Variants in ADAMTS2 observed in about 807,000 individuals in gnomAD.
ADAMTS2 encodes ADAM metallopeptidase with thrombospondin type 1 motif 2.
ADAMTS2 carries 50 observed loss-of-function variants against 123.0 expected under a neutral mutation model. The observed-to-expected ratio is 0.41, with a 90% CI of 0.32 to 0.51. The LOEUF is 0.51. Ranked by LOEUF, ADAMTS2 falls within the 20% of genes least tolerant of loss-of-function variation. The pLI is 0.35. For synonymous variants in ADAMTS2, 678 were observed against 695.4 expected, an observed-to-expected ratio of 0.98 and a Z score of 0.39; for missense variants, 1,494 against 1,705.2, an observed-to-expected ratio of 0.88 and a Z score of 2.18.
intron 3 of ADAMTS2, among the ~76,000 whole-genome samples, chr5:179,249,869 G>A (rs1025688516): frequency 1.1e-4 from 16 of 152,072 alleles, no homozygotes; most frequent in African/African-American, 2.9e-4. Flanking sequence ...CCCTGATACC[G>A]AAACCAGACA....
In ADAMTS2 at chr5:179,307,511, C is replaced by T. The variant is rs1305472703; in HGVS notation, c.535-34447G>A. Among the ~76,000 whole-genome samples, 6 of 152,082 alleles carry T rather than the reference C, an allele frequency of 3.9e-5. No individual in the cohort carries two copies. The highest frequency in any genetic ancestry group is 2.1e-4 in the South Asian group (1 of 4,810). On this transcript the variant is annotated intron_variant, in intron 2 of 21. Coordinates refer to ENST00000251582, the MANE Select transcript of ADAMTS2 (RefSeq NM_014244.5). The surrounding 1 kb of genome is among the most constrained non-coding windows in gnomAD (Gnocchi z 5.6). ...CATCACGTATGCCAGGCTGGGAGCC[C>T]GGGCGTCCCAAGCCTGTGACCTCAT...
At chr5:179,205,961 C>T (rs1318402411) in intron 4 of ADAMTS2, among the ~76,000 whole-genome samples, 5 of 151,864 alleles carry the variant, frequency 3.3e-5, no homozygotes, top group East Asian at 3.9e-4. Context: ...TTAGTAGAGA[C>T]GGGGTTTCAC....
At chr5:179,157,339 G>C (rs1763493030) in intron 6 of ADAMTS2, among the ~76,000 whole-genome samples, 1 of 152,052 alleles carries the variant, frequency 6.6e-6, no homozygotes, top group African/African-American at 2.4e-5. Context: ...CTCCCCATTA[G>C]TGCCCTCCCC....
intron 5 of ADAMTS2, among the ~76,000 whole-genome samples, chr5:179,176,827 C>G (rs1479841857): frequency 6.6e-6 from 1 of 152,210 alleles, no homozygotes; most frequent in Admixed American, 6.5e-5. Context: ...CTTCCGACGT[C>G]TTTGGCATTG....
intron 3 of ADAMTS2, among the ~76,000 whole-genome samples, chr5:179,230,016 G>T (rs4701081): frequency 0.16 from 24,988 of 152,220 alleles, 2,259 homozygotes; most frequent in Admixed American, 0.27. Flanking sequence ...AAGCACCATA[G>T]AATTACTGAG....
At chr5:179,302,639 CG>C (rs199873301) in intron 2 of ADAMTS2, among the ~76,000 whole-genome samples, 11 of 151,474 alleles carry the variant, frequency 7.3e-5, no homozygotes, top group East Asian at 3.9e-4. Flanking sequence ...TGCTATCTCC[CG>C]GGGGGGCAAA....
chr5:179,300,774 G>A (rs772406551), intron 2 of ADAMTS2, among the ~76,000 whole-genome samples: 15 of 152,172 alleles, frequency 9.9e-5, no homozygotes, highest in East Asian at 1.9e-4. Flanking sequence ...GAATAAACAC[G>A]ATGATATTAT....
rs70997667 is a variant in ADAMTS2 at position 179,156,961 on chromosome 5, C to CTTTTTTTTT, written c.1132+1753_1132+1761dup. ...ACCCTTGGCTGTCCTTTCATTTTTT[C>CTTTTTTTTT]TTTTTTTTTTTTTTTTTTTTGAGAC... On this transcript the variant is annotated intron_variant, in intron 6 of 21. Transcript: ENST00000251582. 7.9e-3 allele frequency among the ~76,000 whole-genome samples: 858 copies of CTTTTTTTTT among 108,162 alleles called. 4 individuals are homozygous for CTTTTTTTTT. The highest frequency in any genetic ancestry group is 0.011 in the Non-Finnish European group (588 of 53,792). 71.0% of individuals were successfully genotyped at this position (108,162 alleles called of 152,430 possible).
At chr5:179,229,871 G>A (rs1423053414) in intron 3 of ADAMTS2, among the ~76,000 whole-genome samples, 1 of 152,136 alleles carries the variant, frequency 6.6e-6, no homozygotes, top group Non-Finnish European at 1.5e-5. Flanking sequence ...GGTTCTCCAG[G>A]GCGCATGCCC....
intron 4 of ADAMTS2, among the ~76,000 whole-genome samples, chr5:179,184,907 G>T (rs1475264012): frequency 1.3e-5 from 2 of 152,220 alleles, no homozygotes; most frequent in Non-Finnish European, 2.9e-5. Flanking sequence ...GAAAGGCAGG[G>T]AACCAGAGGA....
rs12189410 is a variant in ADAMTS2 at position 179,197,157 on chromosome 5, T to C, written c.891+10356A>G. On this transcript the variant is annotated intron_variant, in intron 4 of 21. Transcript: ENST00000251582. This position sits in a 1 kb window ranked among gnomAD's most constrained non-coding sequence, Gnocchi z 4.2. ...TGAGAGTACGTGTTCCTGGTAGCAA[T>C]AGGTTGAGCGCTGGCCTTGCTGCAG... 0.08 allele frequency among the ~76,000 whole-genome samples: 12,196 copies of C among 152,294 alleles called. 688 individuals carry two copies. Among genetic ancestry groups the C allele is most frequent in the Non-Finnish European group, 0.12 (8,156 of 68,022 alleles).
chr5:179,268,419 G>C lies in ADAMTS2; in HGVS notation c.688+4492C>G, dbSNP rs555223592. ...TTGCCTGCCAGGCCCTGCAGGCTCT[G>C]AGTTTGCAGCTCTTGTCTTTCTGCA... On this transcript the variant is annotated intron_variant, in intron 3 of 21. Transcript: ENST00000251582. Among the ~76,000 whole-genome samples, 3 of 152,352 alleles carry C rather than the reference G, an allele frequency of 2.0e-5. No individual in the cohort carries two copies. The South Asian group carries it at 6.2e-4, about 32-fold the overall frequency.
rs563745239 is a variant in ADAMTS2 at position 179,119,808 on chromosome 5, C to T, written c.3178+1853G>A. On this transcript the variant is annotated intron_variant, in intron 21 of 21. Transcript: ENST00000251582. ...GTCTGGGCTACTGACCCCACATTCCCACTCCACAGGCTCTGCTCCAAAGAT... is the reference window on the plus strand; with the variant it reads ...GTCTGGGCTACTGACCCCACATTCCTACTCCACAGGCTCTGCTCCAAAGAT... Among the ~76,000 whole-genome samples the T allele has an allele frequency of 3.9e-5, 6 of 152,314 alleles. No homozygotes were observed. In the South Asian group the frequency reaches 1.2e-3, roughly 32 times the overall value.
At position 179,132,667 on chromosome 5, in the gene ADAMTS2, G is replaced by T; in HGVS notation, c.2209+110C>A. On this transcript the variant is annotated intron_variant, in intron 14 of 21. Transcript: ENST00000251582. This position sits in a 1 kb window ranked among gnomAD's most constrained non-coding sequence, Gnocchi z 6.1. ...TGTCACAGACCTCTCCCCCTCCCCA[G>T]AACAGTCATAAGCCCGGACAGCCCC... is the stretch of plus-strand genomic sequence containing the variant. 1 of 1,323,420 alleles carries T rather than the reference G, an allele frequency of 7.6e-7. No homozygotes were observed. The allele number at this position is 1,323,420 out of a possible 1,614,324, so 82.0% of individuals were successfully genotyped here. A position where few individuals can be genotyped will look rare whatever the true frequency, so the allele number is the denominator to read the frequency against.
At chr5:179,251,188 G>A (rs1765914876) in intron 3 of ADAMTS2, among the ~76,000 whole-genome samples, 1 of 152,144 alleles carries the variant, frequency 6.6e-6, no homozygotes, top group Admixed American at 6.5e-5. Context: ...TAGAAACAGA[G>A]TTCTTTCCAC....
chr5:179,163,947 G>C (rs1763648339), intron 5 of ADAMTS2, among the ~76,000 whole-genome samples: 1 of 152,112 alleles, frequency 6.6e-6, no homozygotes, highest in Non-Finnish European at 1.5e-5. Context: ...TGGGCACAGG[G>C]AGGGGAAGCT....
intron 2 of ADAMTS2, among the ~76,000 whole-genome samples, chr5:179,309,335 G>C (rs1258855499): frequency 6.6e-6 from 1 of 152,148 alleles, no homozygotes. Flanking sequence ...CAGGTCACAG[G>C]ATGTCCCCCC....
chr5:179,245,803 A>AAAAAAAAATT (rs1765790325), intron 3 of ADAMTS2, among the ~76,000 whole-genome samples: 1 of 140,276 alleles, frequency 7.1e-6, no homozygotes, highest in Non-Finnish European at 1.5e-5. Context: ...AAACAAAAAA[A>AAAAAAAAATT]ACAAAGATGG....
chr5:179,311,402 G>A (rs1756829158), intron 2 of ADAMTS2, among the ~76,000 whole-genome samples: 1 of 152,212 alleles, frequency 6.6e-6, no homozygotes, highest in Non-Finnish European at 1.5e-5. Flanking sequence ...TGAGCAGCAT[G>A]CCAAGAATCA....
Sources: allele counts gnomAD v4.1 joint callset (sites outside exome capture counted in the v4.1 genomes callset), GRCh38; gene constraint gnomAD v4.1.1; non-coding constraint Gnocchi (gnomAD v3.1); transcripts MANE v1.5; gene names NCBI Gene and HGNC (gene_info 2026-07-23, HGNC 2026-07-21).